The following SAMSN1 variants were observed in gnomAD, a reference collection of about 807,000 sequenced individuals.
The protein encoded by SAMSN1 is SAM domain, SH3 domain and nuclear localization signals 1.
Under a neutral mutation model 42.0 loss-of-function variants are expected in SAMSN1, and 31 were observed. That is an observed-to-expected ratio of 0.74 (90% confidence interval 0.55 to 1.00). The LOEUF is 1.00. SAMSN1 is among the 50% of genes least tolerant of loss of function. The pLI is 0.00. For synonymous variants in SAMSN1, 178 were observed against 151.9 expected, an observed-to-expected ratio of 1.17 and a Z score of -1.26; for missense variants, 464 against 439.4, an observed-to-expected ratio of 1.06 and a Z score of -0.50.
chr21:14,650,045 G>A (rs936321637), intron 1 of SAMSN1, among the ~76,000 whole-genome samples: 2 of 152,068 alleles, frequency 1.3e-5, no homozygotes, highest in African/African-American at 4.8e-5. Context: ...GCATATAAAG[G>A]AAACATTTTT....
chr21:14,522,351 T>C (rs541931017), intron 1 of SAMSN1, among the ~76,000 whole-genome samples: 1 of 152,368 alleles, frequency 6.6e-6, no homozygotes, highest in South Asian at 2.1e-4. Context: ...GGATGGTGGA[T>C]ATCTGATGTT....
intron 2 of SAMSN1, among the ~76,000 whole-genome samples, chr21:14,618,901 C>T (rs1982928910): frequency 6.6e-6 from 1 of 152,162 alleles, no homozygotes; most frequent in Admixed American, 6.5e-5. Flanking sequence ...CTTTCATTCA[C>T]TAGGGAATGT....
At chr21:14,543,961 A>T (rs1351049953) in intron 1 of SAMSN1, among the ~76,000 whole-genome samples, 1 of 152,200 alleles carries the variant, frequency 6.6e-6, no homozygotes, top group Non-Finnish European at 1.5e-5. Flanking sequence ...CCCTTTCTAG[A>T]CACAATTTCT....
At chr21:14,602,053 T>C in exon 6 of SAMSN1, 1 of 695,004 alleles carries the variant, frequency 1.4e-6, no homozygotes, top group Non-Finnish European at 2.7e-6. Context: ...GAGTTTTTCC[T>C]TGATAGGTAT....
At chr21:14,599,063 TGAGA>T (rs763745448) in intron 6 of SAMSN1, among the ~76,000 whole-genome samples, 2 of 152,042 alleles carry the variant, frequency 1.3e-5, no homozygotes, top group Non-Finnish European at 2.9e-5. Context: ...GTCAAAATCA[TGAGA>T]TATCCCATCT....
chr21:14,492,361 C>T (rs1986729547), intron 7 of SAMSN1, among the ~76,000 whole-genome samples: 1 of 152,136 alleles, frequency 6.6e-6, no homozygotes, highest in Non-Finnish European at 1.5e-5. Context: ...GGTGGGATTG[C>T]AGGCAACTTT....
chr21:14,609,742 C>T (rs1188470693), intron 4 of SAMSN1, among the ~76,000 whole-genome samples: 2 of 152,252 alleles, frequency 1.3e-5, no homozygotes, highest in East Asian at 3.9e-4. Flanking sequence ...AACGGAGGGA[C>T]CGGCTGAAGC....
intron 1 of SAMSN1, among the ~76,000 whole-genome samples, chr21:14,653,502 G>A (rs1983866894): frequency 6.6e-6 from 1 of 152,006 alleles, no homozygotes; most frequent in Admixed American, 6.6e-5. Flanking sequence ...AGGCTAGGAA[G>A]AGTAATGGCA....
At chr21:14,653,832 G>A (rs1225947927) in intron 1 of SAMSN1, among the ~76,000 whole-genome samples, 2 of 119,050 alleles carry the variant, frequency 1.7e-5, no homozygotes, top group African/African-American at 2.9e-5. Context: ...AGCATCAAGG[G>A]CAAATGATAC....
chr21:14,507,900 C>T (rs1987487387), intron 5 of SAMSN1, among the ~76,000 whole-genome samples: 2 of 150,114 alleles, frequency 1.3e-5, no homozygotes, highest in Admixed American at 1.3e-4. Context: ...GAAATAAATC[C>T]ACATACTTAA....
intron 2 of SAMSN1, among the ~76,000 whole-genome samples, chr21:14,553,492 T>G (rs1980665347): frequency 6.6e-6 from 1 of 152,208 alleles, no homozygotes; most frequent in African/African-American, 2.4e-5. Context: ...GTGGTTTAGT[T>G]GTTCTCCGTT....
intron 1 of SAMSN1, among the ~76,000 whole-genome samples, chr21:14,527,941 A>T (rs1463227479): frequency 6.6e-6 from 1 of 152,162 alleles, no homozygotes; most frequent in Non-Finnish European, 1.5e-5. Flanking sequence ...CTTCTGGGAA[A>T]TGAATAGAAA....
intron 1 of SAMSN1, among the ~76,000 whole-genome samples, chr21:14,647,726 G>A (rs1383090225): frequency 3.1e-3 from 418 of 135,168 alleles, no homozygotes; most frequent in African/African-American, 0.01. Context: ...GGATTCCTAG[G>A]TATTTTATTC....
chr21:14,545,504 A>C (rs985243847), intron 1 of SAMSN1, among the ~76,000 whole-genome samples: 1 of 151,462 alleles, frequency 6.6e-6, no homozygotes, highest in Non-Finnish European at 1.5e-5. Flanking sequence ...CTAGAGTTCT[A>C]CAATAGAATT....
upstream of SAMSN1, among the ~76,000 whole-genome samples, chr21:14,585,177 A>AT (rs1352610987): frequency 1.3e-5 from 2 of 152,060 alleles, no homozygotes; most frequent in African/African-American, 2.4e-5. Flanking sequence ...ATTGCTGTTT[A>AT]TTTTTTTGTA....
intron 1 of SAMSN1, among the ~76,000 whole-genome samples, chr21:14,526,562 G>C (rs1248495384): frequency 6.6e-6 from 1 of 152,138 alleles, no homozygotes; most frequent in Non-Finnish European, 1.5e-5. Flanking sequence ...ACAGAATACT[G>C]TTTCATGATA....
At chr21:14,655,169 G>A (rs1001903838) in intron 1 of SAMSN1, among the ~76,000 whole-genome samples, 4 of 151,702 alleles carry the variant, frequency 2.6e-5, no homozygotes, top group African/African-American at 9.7e-5. Flanking sequence ...TCTTGAAAAT[G>A]AATAATCACA....
chr21:14,535,761 T>C (rs972359876), intron 1 of SAMSN1, among the ~76,000 whole-genome samples: 4 of 152,106 alleles, frequency 2.6e-5, no homozygotes, highest in Non-Finnish European at 4.4e-5. Flanking sequence ...CATCTACATG[T>C]CAAAAAGAAA....
At chr21:14,631,915 A>G (rs1402705730) in intron 2 of SAMSN1, among the ~76,000 whole-genome samples, 1 of 152,172 alleles carries the variant, frequency 6.6e-6, no homozygotes, top group Non-Finnish European at 1.5e-5. Flanking sequence ...AGGAATAAGA[A>G]GAGGAAGAGA....
Sources: gnomAD v4.1 joint callset for allele counts (sites outside exome capture counted in the v4.1 genomes callset) on GRCh38, gnomAD v4.1.1 for gene constraint, MANE v1.5 for transcripts, NCBI Gene and HGNC (gene_info 2026-07-23, HGNC 2026-07-21) for gene names.